Variants in CELF2 observed in about 807,000 individuals in gnomAD.
CELF2 encodes CUGBP Elav-like family member 2.
In CELF2, 8 loss-of-function variants were observed where a neutral mutation model predicts 62.6. The ratio of observed to expected loss-of-function variants is 0.13; its 90% CI spans 0.07 to 0.23. CELF2 has a LOEUF of 0.23. Among genes scored for constraint, CELF2 ranks in the 10% least tolerant of loss-of-function variants. The pLI, the probability that CELF2 is intolerant of heterozygous loss-of-function variation, is 1.00. For synonymous variants in CELF2, 258 were observed against 250.0 expected (o/e 1.03, Z -0.30); for missense variants, 333 against 671.0 (o/e 0.50, Z 5.56).
At chr10:11,080,263 C>T (rs921084418) in intron 1 of CELF2, among the ~76,000 whole-genome samples, 1 of 152,186 alleles carries the variant, frequency 6.6e-6, no homozygotes, top group Admixed American at 6.5e-5. Flanking sequence ...GTTAGTTCCC[C>T]TTGCTTTTTC....
chr10:11,165,401 T>A lies in CELF2; in HGVS notation c.75-85T>A. ...TGCTCTTCTTCCTCCTCCTTCCGCC[T>A]CCCCGCTCCCCCACCCCCACTATTT... is the stretch of plus-strand genomic sequence containing the variant. On this transcript the variant is annotated intron_variant, in intron 1 of 12. Coordinates refer to ENST00000633077, the MANE Select transcript of CELF2 (RefSeq NM_001326342.2). The surrounding 1 kb of genome is among the most constrained non-coding windows in gnomAD (Gnocchi z 7.4). The A allele has an allele frequency of 2.0e-6, 3 of 1,525,170 alleles. No homozygotes were observed. The highest frequency in any genetic ancestry group is 1.4e-5 in the African/African-American group (1 of 71,710). 94.5% of individuals were successfully genotyped at this position (1,525,170 alleles called of 1,614,324 possible).
the CELF2 span, among the ~76,000 whole-genome samples, chr10:10,646,203 G>A: frequency 6.6e-6 from 1 of 152,146 alleles, no homozygotes; most frequent in Non-Finnish European, 1.5e-5. Context: ...GCTACAAAGA[G>A]TAGAGTCTGG....
intron 1 of CELF2, among the ~76,000 whole-genome samples, chr10:10,915,782 G>T (rs1225844471): frequency 6.6e-6 from 1 of 152,104 alleles, no homozygotes; most frequent in South Asian, 2.1e-4. Context: ...TTCATTACTT[G>T]GTGCCTTATA....
At chr10:10,817,413 T>C (rs1294566329) in intron 1 of CELF2, among the ~76,000 whole-genome samples, 1 of 152,186 alleles carries the variant, frequency 6.6e-6, no homozygotes, top group Non-Finnish European at 1.5e-5. Context: ...GTAGGTCTTA[T>C]TCATTCTTTC....
rs138216011 is a variant in CELF2, at chr10:10,903,325, A to C, written c.54-16639A>C. On this transcript the variant is annotated intron_variant, in intron 1 of 13. Transcript: ENST00000636488. Reference sequence around the variant, plus strand: ...ATGTCAGATGAAAACGAAGATGGCTATACATACAACTCAGGCCACATTTGT... The same window carrying C: ...ATGTCAGATGAAAACGAAGATGGCTCTACATACAACTCAGGCCACATTTGT... Among the ~76,000 whole-genome samples, 182 of 152,342 alleles carry C rather than the reference A, an allele frequency of 1.2e-3. 2 individuals are homozygous for C. Among genetic ancestry groups the C allele is most frequent in the Middle Eastern group, 3.4e-3 (1 of 294 alleles).
rs559481303 is a variant in CELF2 at position 11,246,930 on chromosome 10, G to A, written c.355-2223G>A. Among the ~76,000 whole-genome samples, 10 of 152,232 alleles carry A rather than the reference G, an allele frequency of 6.6e-5. No homozygotes were observed. The highest frequency in any genetic ancestry group is 1.7e-4 in the African/African-American group (7 of 41,548). On this transcript the variant is annotated intron_variant, in intron 3 of 12. Coordinates refer to ENST00000633077, the MANE Select transcript of CELF2 (RefSeq NM_001326342.2). The surrounding 1 kb of genome is among the most constrained non-coding windows in gnomAD (Gnocchi z 4.6). ...ATGTCCAGACCTGCGCTCGTCAGCC[G>A]CCTCTGAAACTCTTTGCTCATGCTT...
In CELF2 at chr10:11,305,429, T is replaced by G. The variant is rs1208816226; in HGVS notation, c.977-8710T>G. Reference sequence around the variant, plus strand: ...CAGTCCCTTCAACACTCTGGGCCTCTGCTTCCTCATCTTTCAAGCGCAGGA... The same window carrying G: ...CAGTCCCTTCAACACTCTGGGCCTCGGCTTCCTCATCTTTCAAGCGCAGGA... On this transcript the variant is annotated intron_variant, in intron 9 of 12. Coordinates refer to ENST00000633077, the MANE Select transcript of CELF2 (RefSeq NM_001326342.2). The surrounding 1 kb of genome is among the most constrained non-coding windows in gnomAD (Gnocchi z 4.8). 6.6e-6 allele frequency among the ~76,000 whole-genome samples: 1 copy of G among 152,256 alleles called. No homozygotes were observed. The highest frequency in any genetic ancestry group is 2.1e-4 in the South Asian group (1 of 4,836).
rs74404437 is a variant in CELF2, at chr10:11,039,416, T to C, written c.74+21253T>C. Among the ~76,000 whole-genome samples, 1,126 of 152,326 alleles carry C rather than the reference T, an allele frequency of 7.4e-3. 9 individuals carry two copies. Among genetic ancestry groups the C allele is most frequent in the African/African-American group, 0.025 (1,025 of 41,556 alleles). On this transcript the variant is annotated intron_variant, in intron 1 of 12. Transcript: ENST00000633077. The surrounding 1 kb of genome is among the most constrained non-coding windows in gnomAD (Gnocchi z 4.1). ...TTTTTGGACTATTCCTCCAACCTAC[T>C]TCTTATGCTGGTTGTGTGAATTATA... is the stretch of plus-strand genomic sequence containing the variant.
the CELF2 span, among the ~76,000 whole-genome samples, chr10:10,552,628 G>A: frequency 9.8e-5 from 15 of 152,306 alleles, no homozygotes; most frequent in East Asian, 2.9e-3. Context: ...GGGGCGGTGT[G>A]AAACAGGTTC....
the CELF2 span, among the ~76,000 whole-genome samples, chr10:10,552,848 G>A: frequency 1.3e-5 from 2 of 152,216 alleles, no homozygotes; most frequent in Non-Finnish European, 2.9e-5. Context: ...AAACAGACAT[G>A]TATTTCTCAT....
At chr10:10,631,536 C>G in the CELF2 span, among the ~76,000 whole-genome samples, 1 of 152,164 alleles carries the variant, frequency 6.6e-6, no homozygotes, top group Non-Finnish European at 1.5e-5. Flanking sequence ...TGACTTAAAA[C>G]TTGACAGTAA....
rs1224617609 is a variant in CELF2 at position 10,995,288 on chromosome 10, T to C, written c.89+75289T>C. On this transcript the variant is annotated intron_variant, in intron 2 of 13. Transcript: ENST00000636488. The surrounding 1 kb of genome is among the most constrained non-coding windows in gnomAD (Gnocchi z 4.7). The stretch of plus-strand genomic sequence containing the variant: ...TTTTTATTTTTTGAAACTGGGACCA[T>C]ATTATGACATCTTTGTATCTCCTTT... Among the ~76,000 whole-genome samples the C allele has an allele frequency of 6.6e-6, 1 of 152,190 alleles. No individual in the cohort carries two copies. Among genetic ancestry groups the C allele is most frequent in the Non-Finnish European group, 1.5e-5 (1 of 68,032 alleles).
the CELF2 span, among the ~76,000 whole-genome samples, chr10:10,503,644 G>A: frequency 6.6e-6 from 1 of 151,886 alleles, no homozygotes; most frequent in African/African-American, 2.4e-5. Context: ...TATATCATTG[G>A]AACATACTTT....
At chr10:10,902,584 A>T (rs1160105948) in intron 1 of CELF2, among the ~76,000 whole-genome samples, 1 of 152,216 alleles carries the variant, frequency 6.6e-6, no homozygotes, top group Non-Finnish European at 1.5e-5. Context: ...ATCAGTGGTT[A>T]CTTGGGGACA....
intron 1 of CELF2, among the ~76,000 whole-genome samples, chr10:10,890,876 G>T (rs146817962): frequency 6.6e-6 from 1 of 152,162 alleles, no homozygotes; most frequent in Admixed American, 6.5e-5. Context: ...TTAGCTGGGC[G>T]TGGTGGCAGG....
chr10:11,113,515 A>G (rs1032161927), intron 1 of CELF2, among the ~76,000 whole-genome samples: 1 of 152,222 alleles, frequency 6.6e-6, no homozygotes, highest in Non-Finnish European at 1.5e-5. Context: ...AATTAAAGCT[A>G]TGCTGGAGAT....
At chr10:10,562,317 A>G in the CELF2 span, among the ~76,000 whole-genome samples, 6 of 152,188 alleles carry the variant, frequency 3.9e-5, no homozygotes, top group East Asian at 1.9e-4. Flanking sequence ...TTCTGGCTCA[A>G]TGAAGAGCCA....
At chr10:10,949,669 C>T (rs1313411451) in intron 2 of CELF2, among the ~76,000 whole-genome samples, 1 of 151,626 alleles carries the variant, frequency 6.6e-6, no homozygotes, top group Non-Finnish European at 1.5e-5. Context: ...GGCTTGGTGG[C>T]AGGCACCTGC....
intron 1 of CELF2, among the ~76,000 whole-genome samples, chr10:11,070,141 G>A (rs911536755): frequency 7.3e-6 from 1 of 136,500 alleles, no homozygotes; most frequent in African/African-American, 2.9e-5. Flanking sequence ...AAATAAAAGA[G>A]GTCCATTGGT....
Sources: allele counts gnomAD v4.1 joint callset (sites outside exome capture counted in the v4.1 genomes callset), GRCh38; gene constraint gnomAD v4.1.1; non-coding constraint Gnocchi (gnomAD v3.1); transcripts MANE v1.5; gene names NCBI Gene and HGNC (gene_info 2026-07-23, HGNC 2026-07-21).